C1QTNF1: variants seen among roughly 807,000 people sequenced by gnomAD.
The protein encoded by C1QTNF1 is complement C1q tumor necrosis factor-related protein 1.
Under a neutral mutation model 27.8 loss-of-function variants are expected in C1QTNF1, and 22 were observed. The observed-to-expected ratio is 0.79, with a 90% CI of 0.56 to 1.13. The LOEUF (loss-of-function observed/expected upper bound fraction) is 1.13, where lower values mean the gene tolerates loss of function less well. Among genes scored for constraint, C1QTNF1 ranks in the 50% most tolerant of loss-of-function variants. The pLI is 0.00. For missense variants in C1QTNF1, 373 were observed against 380.2 expected (o/e 0.98, Z 0.16); for synonymous variants, 166 against 154.3 (o/e 1.08, Z -0.56).
intron 2 of C1QTNF1, among the ~76,000 whole-genome samples, chr17:79,044,657 C>A (rs1228021421): frequency 6.6e-6 from 1 of 152,188 alleles, no homozygotes; most frequent in African/African-American, 2.4e-5. Flanking sequence ...TCTGGATGGC[C>A]TTCGTGTCTA....
intron 1 of C1QTNF1, among the ~76,000 whole-genome samples, chr17:79,030,333 G>T (rs1160692455): frequency 6.6e-6 from 1 of 151,850 alleles, no homozygotes; most frequent in Non-Finnish European, 1.5e-5. Flanking sequence ...GTGTGTGTGT[G>T]TGTGTGTGTG....
intron 2 of C1QTNF1, among the ~76,000 whole-genome samples, chr17:79,045,003 C>T (rs534470442): frequency 4.6e-5 from 7 of 152,182 alleles, no homozygotes; most frequent in African/African-American, 1.7e-4. Context: ...ACAGTCCTGG[C>T]CTCCAGGAGC....
intron 1 of C1QTNF1, among the ~76,000 whole-genome samples, chr17:79,033,996 T>G (rs2072202806): frequency 6.6e-6 from 1 of 152,122 alleles, no homozygotes; most frequent in Non-Finnish European, 1.5e-5. Context: ...CTGTGCTGAT[T>G]ATATTCCTGA....
rs201505657 is a variant in C1QTNF1 at position 79,044,112 on chromosome 17, C to G, written c.144C>G (p.Asp48Glu). 3.1e-6 allele frequency: 5 copies of G among 1,609,528 alleles called. No homozygotes were observed. The highest frequency in any genetic ancestry group is 4.2e-6 in the Non-Finnish European group (5 of 1,177,526). The change falls in exon 2 of 4, where the codon GAC (aspartate) becomes GAG (glutamate). Residue 48 changes from aspartate (D) to glutamate (E), a missense_variant. By Grantham distance (45) the Asp-to-Glu change is conservative. Transcript: ENST00000579760. ...EGTEELPSPP[D>E]HAERAEEQHE... The stretch of plus-strand genomic sequence containing the variant: ...CTGAGGAGCTGCCGTCGCCTCCGGA[C>G]CATGCCGAGAGGTGAGGGGCCACGA...
chr17:79,043,549 C>T (rs2072478710), intron 1 of C1QTNF1: 15 of 433,652 alleles, frequency 3.5e-5, no homozygotes, highest in South Asian at 2.5e-4. Flanking sequence ...ATTGTTGAGA[C>T]TGTGCATGTG....
At chr17:79,043,835 G>A in intron 1 of C1QTNF1, 120 bp from the exon 2 acceptor site, 1 of 1,037,156 alleles carries the variant, frequency 9.6e-7, no homozygotes, top group Non-Finnish European at 1.5e-6. Flanking sequence ...TTTCCCAGTG[G>A]CGTGAGGCTG....
intron 1 of C1QTNF1, among the ~76,000 whole-genome samples, chr17:79,027,963 C>T (rs1369707823): frequency 1.3e-5 from 2 of 152,190 alleles, no homozygotes; most frequent in Admixed American, 6.5e-5. Context: ...GGATCTAAGC[C>T]GTTCTCCAGC....
chr17:79,027,056 G>A (rs1035105572), intron 1 of C1QTNF1, among the ~76,000 whole-genome samples: 3 of 144,928 alleles, frequency 2.1e-5, no homozygotes, highest in Non-Finnish European at 4.5e-5. Context: ...TTTGTGTCTT[G>A]TCCTCAGGGG....
rs2072566832 is a variant in C1QTNF1, at chr17:79,046,160, G to T, written c.156-395G>T. On this transcript the variant is annotated intron_variant, in intron 2 of 3. Coordinates refer to ENST00000579760, the MANE Select transcript of C1QTNF1 (RefSeq NM_030968.5). This position sits in a 1 kb window ranked among gnomAD's most constrained non-coding sequence, Gnocchi z 4.8. Reference sequence around the variant, plus strand: ...TGAGGGGAATCCTAAAGATCCAGTTGAACCTTCTTATTTGCAGACGAGTCA... The same window carrying T: ...TGAGGGGAATCCTAAAGATCCAGTTTAACCTTCTTATTTGCAGACGAGTCA... 6.6e-6 allele frequency among the ~76,000 whole-genome samples: 1 copy of T among 152,090 alleles called. No individual in the cohort carries two copies. Among genetic ancestry groups the T allele is most frequent in the South Asian group, 2.1e-4 (1 of 4,834 alleles).
At chr17:79,045,508 G>C (rs1220858806) in intron 2 of C1QTNF1, among the ~76,000 whole-genome samples, 1 of 152,218 alleles carries the variant, frequency 6.6e-6, no homozygotes, top group Admixed American at 6.5e-5. Flanking sequence ...GAAATGGCAG[G>C]GGTGCATCAG....
chr17:79,023,135 T>C (rs2071820692), upstream of C1QTNF1: 1 of 151,950 alleles, frequency 6.6e-6, no homozygotes, highest in South Asian at 2.1e-4. Context: ...AGCATCCCCA[T>C]TTTCGCATCT....
In C1QTNF1 at chr17:79,043,219, TGTGA is replaced by T. The variant is rs1337365857; in HGVS notation, c.-14-735_-14-732del. On this transcript the variant is annotated intron_variant, in intron 1 of 3. Coordinates refer to ENST00000579760, the MANE Select transcript of C1QTNF1 (RefSeq NM_030968.5). ...TGCATGTGTGTGGATTGCATGTGTG[TGTGA>T]ATCTGTGTGCATGTGATATGGGTAT... The T allele has an allele frequency of 3.2e-4, 147 of 453,522 alleles. 2 individuals carry two copies. The East Asian group carries it at 9.6e-3, about 30-fold the overall frequency. 28.1% of individuals were successfully genotyped at this position (453,522 alleles called of 1,614,324 possible).
intron 1 of C1QTNF1, among the ~76,000 whole-genome samples, chr17:79,041,396 C>G (rs78095222): frequency 0.023 from 3,510 of 152,302 alleles, 118 homozygotes; most frequent in African/African-American, 0.08. Context: ...CTCGGAGGCT[C>G]TATCGGGAGA....
intron 1 of C1QTNF1, among the ~76,000 whole-genome samples, chr17:79,030,195 C>T (rs905558903): frequency 2.0e-5 from 3 of 152,032 alleles, no homozygotes; most frequent in Non-Finnish European, 4.4e-5. Flanking sequence ...TGAAAAAGGA[C>T]GTGACTGTTA....
intron 1 of C1QTNF1, among the ~76,000 whole-genome samples, chr17:79,035,018 G>A (rs1341369960): frequency 6.6e-6 from 1 of 152,174 alleles, no homozygotes; most frequent in Non-Finnish European, 1.5e-5. Context: ...TCTAGAAGAG[G>A]TAAACACACA....
chr17:79,045,275 G>A (rs1304939572), intron 2 of C1QTNF1, among the ~76,000 whole-genome samples: 3 of 152,126 alleles, frequency 2.0e-5, no homozygotes, highest in South Asian at 2.1e-4. Context: ...GGTTTGGGAT[G>A]GTGAGACCCA....
At chr17:79,045,679 A>G (rs1031957382) in intron 2 of C1QTNF1, among the ~76,000 whole-genome samples, 1 of 152,208 alleles carries the variant, frequency 6.6e-6, no homozygotes, top group Admixed American at 6.5e-5. Flanking sequence ...GAGCTCAGAA[A>G]GAGAAGATTC....
At chr17:79,027,469 G>A (rs1266580380) in intron 1 of C1QTNF1, 1 of 152,356 alleles carries the variant, frequency 6.6e-6, no homozygotes, top group African/African-American at 2.4e-5. Flanking sequence ...AGCCCAGCAA[G>A]CCGCTCTCAT....
chr17:79,042,443 G>A (rs1399135813), intron 1 of C1QTNF1, among the ~76,000 whole-genome samples: 1 of 152,232 alleles, frequency 6.6e-6, no homozygotes, highest in Non-Finnish European at 1.5e-5. Context: ...AAAGCTCTGG[G>A]AGTGAGACGT....
Sources: gnomAD v4.1 joint callset for allele counts (sites outside exome capture counted in the v4.1 genomes callset) on GRCh38, gnomAD v4.1.1 for gene constraint, Gnocchi (gnomAD v3.1) non-coding constraint, MANE v1.5 for transcripts, NCBI Gene and HGNC (gene_info 2026-07-23, HGNC 2026-07-21) for gene names.